Variants in STPG2 observed in about 807,000 individuals in gnomAD.
The protein encoded by STPG2 is sperm-tail PG-rich repeat-containing protein 2.
Under a neutral mutation model 54.2 loss-of-function variants are expected in STPG2, and 56 were observed. The ratio of observed to expected loss-of-function variants is 1.03; its 90% CI spans 0.83 to 1.29. The LOEUF (loss-of-function observed/expected upper bound fraction) is 1.29, where lower values mean the gene tolerates loss of function less well. STPG2 is among the 50% of genes most tolerant of loss of function. The probability of loss-of-function intolerance (pLI) is 0.00; values close to 1 mark genes in which losing one functional copy is unlikely to be tolerated. For synonymous variants in STPG2, 200 were observed against 181.8 expected (o/e 1.10, Z -0.81); for missense variants, 596 against 544.9 (o/e 1.09, Z -0.93).
At chr4:97,957,689 A>G (rs1371355328) in intron 7 of STPG2, among the ~76,000 whole-genome samples, 1 of 152,164 alleles carries the variant, frequency 6.6e-6, no homozygotes, top group Non-Finnish European at 1.5e-5. Context: ...GTAACCTATA[A>G]AGGAAAACCT....
intron 10 of STPG2, among the ~76,000 whole-genome samples, chr4:97,697,180 A>G (rs1432439393): frequency 6.6e-6 from 1 of 152,222 alleles, no homozygotes; most frequent in Non-Finnish European, 1.5e-5. Context: ...ATGGTGGTAT[A>G]GTGGCACCTC....
At chr4:97,477,571 G>A (rs1461058881) in intron 4 of STPG2, among the ~76,000 whole-genome samples, 1 of 149,482 alleles carries the variant, frequency 6.7e-6, no homozygotes, top group African/African-American at 2.5e-5. Context: ...CCGCCTCCCA[G>A]GTTCACGCCA....
In STPG2 at chr4:97,747,013, A is replaced by C. The variant is rs528356838; in HGVS notation, c.1205-34199T>G. Among the ~76,000 whole-genome samples, 533 of 65,700 alleles carry C rather than the reference A, an allele frequency of 8.1e-3. 3 individuals are homozygous for C. Among genetic ancestry groups the C allele is most frequent in the Middle Eastern group, 0.043 (4 of 92 alleles). 43.1% of individuals were successfully genotyped at this position (65,700 alleles called of 152,430 possible). On this transcript the variant is annotated intron_variant, in intron 9 of 10. Coordinates refer to ENST00000295268, the MANE Select transcript of STPG2 (RefSeq NM_174952.3). ...TAGCATGTGCAATCTGTTTTTATAC[A>C]AAAAAAAAAAAAATCTTTTACAGTA... is the stretch of plus-strand genomic sequence containing the variant.
intron 4 of STPG2, among the ~76,000 whole-genome samples, chr4:97,506,473 A>G (rs1730847376): frequency 6.6e-6 from 1 of 152,050 alleles, no homozygotes; most frequent in Non-Finnish European, 1.5e-5. Context: ...AATTGATGTC[A>G]ATAAACTAAG....
At chr4:97,675,917 T>C (rs1722824321) in intron 10 of STPG2, among the ~76,000 whole-genome samples, 1 of 146,906 alleles carries the variant, frequency 6.8e-6, no homozygotes, top group African/African-American at 2.5e-5. Context: ...ATAGTGTATA[T>C]ATATACATAT....
At chr4:97,506,369 G>A (rs1205132793) in intron 4 of STPG2, among the ~76,000 whole-genome samples, 1 of 151,696 alleles carries the variant, frequency 6.6e-6, no homozygotes, top group Non-Finnish European at 1.5e-5. Flanking sequence ...GTTTAGATTG[G>A]AGGCGCCGAC....
intron 8 of STPG2, among the ~76,000 whole-genome samples, chr4:97,901,825 T>C (rs899969640): frequency 6.6e-6 from 1 of 151,994 alleles, no homozygotes; most frequent in Non-Finnish European, 1.5e-5. Flanking sequence ...AAAATTCATA[T>C]GGAGCCACAA....
chr4:98,026,080 C>T (rs1372242249), intron 5 of STPG2: 2 of 1,214,884 alleles, frequency 1.6e-6, no homozygotes, highest in African/African-American at 1.5e-5. Flanking sequence ...TAACTCCAGA[C>T]ATGATGGAGA....
At chr4:97,823,768 A>G (rs1212820038) in intron 9 of STPG2, among the ~76,000 whole-genome samples, 1 of 152,146 alleles carries the variant, frequency 6.6e-6, no homozygotes, top group African/African-American at 2.4e-5. Context: ...ACTCCGGGTA[A>G]GTGGGATGAA....
intron 10 of STPG2, among the ~76,000 whole-genome samples, chr4:97,650,506 G>A (rs963925518): frequency 4.1e-4 from 63 of 152,214 alleles, no homozygotes; most frequent in Non-Finnish European, 5.9e-4. Flanking sequence ...GGAGCTTCCA[G>A]GGTATAGGTA....
chr4:97,907,854 T>G (rs1016326418), intron 8 of STPG2, among the ~76,000 whole-genome samples: 2 of 152,040 alleles, frequency 1.3e-5, no homozygotes, highest in Admixed American at 6.5e-5. Flanking sequence ...TTACACCTTA[T>G]ACAAAAATCA....
chr4:97,719,249 C>T (rs1349537690), intron 9 of STPG2, among the ~76,000 whole-genome samples: 1 of 151,920 alleles, frequency 6.6e-6, no homozygotes, highest in Non-Finnish European at 1.5e-5. Flanking sequence ...GGTTTATTCA[C>T]TACCCTTCTA....
chr4:98,033,285 C>G (rs1470182020), intron 5 of STPG2, among the ~76,000 whole-genome samples: 1 of 151,818 alleles, frequency 6.6e-6, no homozygotes, highest in Non-Finnish European at 1.5e-5. Flanking sequence ...ACCACCAATC[C>G]CACAGAAATA....
chr4:97,723,068 TC>T (rs1356176667), intron 9 of STPG2, among the ~76,000 whole-genome samples: 2 of 150,452 alleles, frequency 1.3e-5, no homozygotes, highest in Non-Finnish European at 3.0e-5. Context: ...AGCCTCGGCC[TC>T]CTAAAGTGCT....
chr4:97,618,416 G>A (rs1733926452), intron 10 of STPG2, among the ~76,000 whole-genome samples: 1 of 151,858 alleles, frequency 6.6e-6, no homozygotes, highest in Admixed American at 6.6e-5. Context: ...TCAACTCCCA[G>A]AATCATGGGA....
Position 97,972,421 on chromosome 4 carries a change from G to T in STPG2, c.792C>A (p.Val264=). 1 of 1,556,588 alleles carries T rather than the reference G, an allele frequency of 6.4e-7. No individual in the cohort carries two copies. The highest frequency in any genetic ancestry group is 1.4e-5 in the African/African-American group (1 of 72,280). The stretch of plus-strand genomic sequence containing the variant: ...CACTGGCAATTATAGTATTGTTCAA[G>T]ACATTATAAAATCCAGGACCTAAAA... ...EEMPGPGFYN[V]LNNTIIASVR... is the part of the protein sequence containing the mutation. Residue 264 remains valine, a synonymous_variant, in exon 7 of 11, where the codon GTC becomes GTA. Coordinates refer to ENST00000295268, the MANE Select transcript of STPG2 (RefSeq NM_174952.3).
chr4:97,446,470 T>C (rs1729224492), intron 4 of STPG2, among the ~76,000 whole-genome samples: 3 of 152,204 alleles, frequency 2.0e-5, no homozygotes, highest in South Asian at 4.1e-4. Flanking sequence ...AGTTAACTTA[T>C]GGATTATAAA....
At chr4:97,729,637 T>C (rs1056454737) in intron 9 of STPG2, among the ~76,000 whole-genome samples, 1 of 152,088 alleles carries the variant, frequency 6.6e-6, no homozygotes, top group Admixed American at 6.6e-5. Flanking sequence ...GTAAAGGGGA[T>C]TGGAACTAGC....
intron 4 of STPG2, among the ~76,000 whole-genome samples, chr4:98,106,757 CA>C (rs1455655850): frequency 2.0e-5 from 3 of 152,042 alleles, no homozygotes; most frequent in Non-Finnish European, 4.4e-5. Flanking sequence ...TTAAAGTAGA[CA>C]ATATATGTAA....
Sources: gnomAD v4.1 joint callset for allele counts (sites outside exome capture counted in the v4.1 genomes callset) on GRCh38, gnomAD v4.1.1 for gene constraint, MANE v1.5 for transcripts, NCBI Gene and HGNC (gene_info 2026-07-23, HGNC 2026-07-21) for gene names.